TEC: variants seen among roughly 807,000 people sequenced by gnomAD.
TEC encodes tyrosine-protein kinase Tec.
Under a neutral mutation model 93.0 loss-of-function variants are expected in TEC, and 72 were observed. That is an observed-to-expected ratio of 0.77 (90% CI 0.64 to 0.94). TEC has a LOEUF of 0.94. Among genes scored for constraint, TEC ranks in the 40% least tolerant of loss-of-function variants. TEC has a pLI of 0.00. For missense variants in TEC, 630 were observed against 757.9 expected (o/e 0.83, Z 1.98); for synonymous variants, 249 against 247.7 (o/e 1.01, Z -0.05).
At chr4:48,149,438 A>G in intron 11 of TEC, 119 bp downstream of exon 11, 1 of 1,051,760 alleles carries the variant, frequency 9.5e-7, no homozygotes, top group Non-Finnish European at 1.3e-6. Flanking sequence ...GTAATTTAAA[A>G]TCAACCACAT....
intron 2 of TEC, among the ~76,000 whole-genome samples, chr4:48,222,673 T>C (rs1723306124): frequency 6.6e-6 from 1 of 151,044 alleles, no homozygotes; most frequent in Admixed American, 6.6e-5. Context: ...TTACCCCTTT[T>C]TCCTTGCCTC....
intron 2 of TEC, among the ~76,000 whole-genome samples, chr4:48,216,105 C>T (rs954855255): frequency 2.6e-5 from 4 of 152,132 alleles, no homozygotes; most frequent in Non-Finnish European, 1.5e-5. Context: ...CAGAACAGTT[C>T]CACAAACACA....
chr4:48,159,338 C>T (rs748127538), intron 8 of TEC, among the ~76,000 whole-genome samples: 15 of 152,176 alleles, frequency 9.9e-5, no homozygotes, highest in African/African-American at 3.6e-4. Context: ...AGCTGGCGTG[C>T]AGACATTACA....
At chr4:48,156,774 T>C in intron 8 of TEC, 40 bp from the exon 9 acceptor site, 1 of 1,517,848 alleles carries the variant, frequency 6.6e-7, no homozygotes, top group South Asian at 1.2e-5. Context: ...CTCAGGTTTT[T>C]AGGATATATT....
chr4:48,220,142 CTTAAATT>C (rs1468695228), intron 2 of TEC, among the ~76,000 whole-genome samples: 1 of 148,610 alleles, frequency 6.7e-6, no homozygotes, highest in Non-Finnish European at 1.5e-5. Context: ...AGAACTCAAT[CTTAAATT>C]CCTAAATACA....
chr4:48,257,950 T>C (rs1016615480), intron 1 of TEC, among the ~76,000 whole-genome samples: 3 of 152,166 alleles, frequency 2.0e-5, no homozygotes, highest in African/African-American at 7.2e-5. Flanking sequence ...TGAAGCAACA[T>C]GAAAATGGGT....
chr4:48,263,897 G>A (rs535045223), intron 1 of TEC, among the ~76,000 whole-genome samples: 1 of 152,224 alleles, frequency 6.6e-6, no homozygotes, highest in East Asian at 1.9e-4. Context: ...ATCCGAAAAT[G>A]TTTCCTGTGG....
intron 1 of TEC, among the ~76,000 whole-genome samples, chr4:48,243,179 C>G (rs1465711350): frequency 6.6e-6 from 1 of 151,954 alleles, no homozygotes; most frequent in Non-Finnish European, 1.5e-5. Context: ...TCCCGAAGAT[C>G]TTTTTTTTCC....
In TEC at chr4:48,156,694, G is replaced by C. The variant is rs1323393088; in HGVS notation, c.778C>G (p.Leu260Val). The C allele has an allele frequency of 6.2e-7, 1 of 1,612,006 alleles. No individual in the cohort carries two copies. Among genetic ancestry groups the C allele is most frequent in the East Asian group, 2.2e-5 (1 of 44,770 alleles). The change falls in exon 9 of 18, where the codon CTC becomes GTC. Residue 260 changes from leucine to valine, a missense_variant. Physicochemically the swap from Leu to Val is conservative, Grantham distance 32. This residue lies in a region of TEC where 335 missense variants were observed against 351.5 expected (regional missense o/e 0.95). Coordinates refer to ENST00000381501, the MANE Select transcript of TEC (RefSeq NM_003215.3). ...CAAACACTTACTTCACTGCGGAGGA[G>C]TTGCTCTGCCTTGCTTCTATTCATA... is the stretch of plus-strand genomic sequence containing the variant. ...RNMNRSKAEQLLRSEDKEGGF... is the reference protein window; with the variant it reads ...RNMNRSKAEQVLRSEDKEGGF...
intron 2 of TEC, among the ~76,000 whole-genome samples, chr4:48,195,138 G>A (rs1164553704): frequency 6.6e-6 from 1 of 152,184 alleles, no homozygotes; most frequent in African/African-American, 2.4e-5. Context: ...TGTGGTTTCT[G>A]CAAGACAATG....
chr4:48,269,704 G>C (rs956494500), intron 1 of TEC, 48 bp downstream of exon 1: 1 of 152,296 alleles, frequency 6.6e-6, no homozygotes, highest in African/African-American at 2.4e-5. Context: ...TCCTCGCCCG[G>C]AGTATCGCAC....
At chr4:48,148,431 C>T (rs900304255) in intron 11 of TEC, among the ~76,000 whole-genome samples, 1 of 152,238 alleles carries the variant, frequency 6.6e-6, no homozygotes, top group African/African-American at 2.4e-5. Context: ...TCTATATAAT[C>T]CTGTGGAACT....
intron 2 of TEC, among the ~76,000 whole-genome samples, chr4:48,210,586 C>A (rs1340463701): frequency 6.6e-6 from 1 of 152,156 alleles, no homozygotes; most frequent in African/African-American, 2.4e-5. Flanking sequence ...ACCACAGTTA[C>A]CACAACTGGC....
chr4:48,225,308 G>A (rs1348300273), intron 2 of TEC, among the ~76,000 whole-genome samples: 1 of 152,034 alleles, frequency 6.6e-6, no homozygotes, highest in Admixed American at 6.6e-5. Flanking sequence ...CTGAGTAGCT[G>A]GGATTACAGG....
At chr4:48,182,962 C>A (rs1163228989) in intron 2 of TEC, among the ~76,000 whole-genome samples, 1 of 152,186 alleles carries the variant, frequency 6.6e-6, no homozygotes, top group African/African-American at 2.4e-5. Flanking sequence ...CAGGGAAAGG[C>A]TTGCCAGGGT....
rs992212814 is a variant in TEC, at chr4:48,146,377, G to A, written c.1029C>T (p.Tyr343=). The A allele has an allele frequency of 1.8e-5, 29 of 1,613,598 alleles. No individual in the cohort carries two copies. The East Asian group carries it at 6.5e-4, about 36-fold the overall frequency. The stretch of plus-strand genomic sequence containing the variant: ...CATTCTTCCCTTTCACACTAACTGG[G>A]TACCGAAGCCTGGTGACAAGTCCTA... ...NAAGLVTRLR[Y]PVSVKGKNAP... Residue 343 remains tyrosine, a synonymous_variant, in exon 12 of 18, where the codon TAC becomes TAT. Coordinates refer to ENST00000381501, the MANE Select transcript of TEC (RefSeq NM_003215.3).
At chr4:48,231,909 C>T (rs1309664978) in intron 1 of TEC, among the ~76,000 whole-genome samples, 1 of 152,150 alleles carries the variant, frequency 6.6e-6, no homozygotes, top group East Asian at 1.9e-4. Flanking sequence ...ATAAATGGGG[C>T]AGGACTTATA....
rs1037361574 is a variant in TEC at position 48,176,283 on chromosome 4, G to C, written c.139-97C>G. On this transcript the variant is annotated intron_variant, in intron 2 of 17. Coordinates refer to ENST00000381501, the MANE Select transcript of TEC (RefSeq NM_003215.3). ...AAATTTTGCTCTGATTCAAAATATT[G>C]CAATTTCTTTAAAATTATCTAAATC... 10 of 827,100 alleles carry C rather than the reference G, an allele frequency of 1.2e-5. No individual in the cohort carries two copies. The African/African-American group carries it at 1.7e-4, about 14-fold the overall frequency. The allele number at this position is 827,100 out of a possible 1,614,324, so 51.2% of individuals were successfully genotyped here.
At position 48,200,955 on chromosome 4, in the gene TEC, G is replaced by T. The variant is rs1577630577; in HGVS notation, c.139-24769C>A. 2.0e-5 allele frequency among the ~76,000 whole-genome samples: 3 copies of T among 152,336 alleles called. No homozygotes were observed. The South Asian group carries it at 6.2e-4, about 32-fold the overall frequency. ...GGTTTTTCCACACTGAGAAAAAGAA[G>T]AAACTTTATCTTGTTTAAACTATTA... On this transcript the variant is annotated intron_variant, in intron 2 of 17. Transcript: ENST00000381501.
Sources: allele counts gnomAD v4.1 joint callset (sites outside exome capture counted in the v4.1 genomes callset), GRCh38; gene constraint gnomAD v4.1.1; regional missense constraint gnomAD v4.1.1; transcripts MANE v1.5; gene names NCBI Gene and HGNC (gene_info 2026-07-23, HGNC 2026-07-21).